PTPRG: variants seen among roughly 807,000 people sequenced by gnomAD.
PTPRG encodes the protein receptor-type tyrosine-protein phosphatase gamma.
In PTPRG, 102 loss-of-function variants were observed where a neutral mutation model predicts 165.3. That is an observed-to-expected ratio of 0.62 (90% CI 0.53 to 0.73). The LOEUF (loss-of-function observed/expected upper bound fraction) is 0.73. Among genes scored for constraint, PTPRG ranks in the 30% least tolerant of loss-of-function variants. PTPRG has a pLI of 0.00. For missense variants in PTPRG, 1,866 were observed against 1,861.4 expected (o/e 1.00, Z -0.05); for synonymous variants, 675 against 669.5 (o/e 1.01, Z -0.13).
At chr3:61,632,239 G>A (rs1055893232) in intron 1 of PTPRG, among the ~76,000 whole-genome samples, 2 of 152,098 alleles carry the variant, frequency 1.3e-5, no homozygotes, top group Admixed American at 1.3e-4. Flanking sequence ...GCCTGGGGAG[G>A]TCAAGGCTGC....
intron 1 of PTPRG, among the ~76,000 whole-genome samples, chr3:61,624,740 G>C (rs748417691): frequency 1.3e-5 from 2 of 152,102 alleles, no homozygotes; most frequent in Admixed American, 6.5e-5. Flanking sequence ...TAAGGATTCA[G>C]TGATAGTGCA....
At chr3:62,125,877 T>C (rs888997670) in intron 5 of PTPRG, among the ~76,000 whole-genome samples, 1 of 152,108 alleles carries the variant, frequency 6.6e-6, no homozygotes, top group African/African-American at 2.4e-5. Flanking sequence ...CTTGAAATGC[T>C]GTAAAGCCTT....
At chr3:61,804,097 A>G (rs1054361842) in intron 2 of PTPRG, among the ~76,000 whole-genome samples, 2 of 152,244 alleles carry the variant, frequency 1.3e-5, no homozygotes, top group Non-Finnish European at 2.9e-5. Flanking sequence ...TTGGTCACTT[A>G]AATGCCCTTG....
chr3:61,977,596 T>A (rs1347327923), intron 2 of PTPRG, among the ~76,000 whole-genome samples: 1 of 45,190 alleles, frequency 2.2e-5, no homozygotes, highest in Non-Finnish European at 4.2e-5. Context: ...TGCAACTAGC[T>A]TTTTTTTTCA....
intron 2 of PTPRG, among the ~76,000 whole-genome samples, chr3:61,773,266 T>C (rs2034267116): frequency 6.6e-6 from 1 of 152,192 alleles, no homozygotes; most frequent in Non-Finnish European, 1.5e-5. Context: ...AGTTAATTAC[T>C]AATTAGAAAT....
At chr3:62,281,398 A>G (rs544036666) in intron 26 of PTPRG, among the ~76,000 whole-genome samples, 165 bp from the exon 27 acceptor site, 1 of 152,018 alleles carries the variant, frequency 6.6e-6, no homozygotes, top group African/African-American at 2.4e-5. Flanking sequence ...ATAGAATACA[A>G]TAACCATTCA....
intron 5 of PTPRG, among the ~76,000 whole-genome samples, chr3:62,090,530 TTCTC>T (rs1701893615): frequency 6.6e-6 from 1 of 152,172 alleles, no homozygotes; most frequent in East Asian, 1.9e-4. Flanking sequence ...GTTTTGTGGT[TTCTC>T]TCTATTTTGA....
chr3:61,799,386 A>G lies in PTPRG; in HGVS notation c.190+50404A>G, dbSNP rs2035165115. 1.3e-5 allele frequency among the ~76,000 whole-genome samples: 2 copies of G among 152,112 alleles called. 1 individual carries two copies. Among genetic ancestry groups the G allele is most frequent in the South Asian group, 4.1e-4 (2 of 4,834 alleles). On this transcript the variant is annotated intron_variant, in intron 2 of 29. Coordinates refer to ENST00000474889, the MANE Select transcript of PTPRG (RefSeq NM_002841.4). ...AAACCTTGGCTATTCAGATGGCCTT[A>G]TTTCTACCTAATGTCTTTTCTGTTC... is the stretch of plus-strand genomic sequence containing the variant.
At chr3:61,766,609 TA>T (rs11334853) in intron 2 of PTPRG, among the ~76,000 whole-genome samples, 66,775 of 148,474 alleles carry the variant, frequency 0.45, 15,542 homozygotes, top group Non-Finnish European at 0.52. Context: ...TTATTAATGT[TA>T]AAAAAAATTT....
chr3:62,043,489 A>C (rs1700189775), intron 4 of PTPRG, among the ~76,000 whole-genome samples: 1 of 152,224 alleles, frequency 6.6e-6, no homozygotes, highest in South Asian at 2.1e-4. Flanking sequence ...ATCAGTTTAG[A>C]GCCCTTCTCA....
Position 61,725,063 on chromosome 3 carries a change from G to A in PTPRG, c.86-23815G>A, listed in dbSNP as rs545879760. Among the ~76,000 whole-genome samples, 11 of 152,286 alleles carry A rather than the reference G, an allele frequency of 7.2e-5. No homozygotes were observed. The South Asian group carries it at 2.3e-3, about 32-fold the overall frequency. ...AACTCTTCACCAAGCACCAGGTACA[G>A]AAGATTTTCTCTTCTCCTTTTTTAC... On this transcript the variant is annotated intron_variant, in intron 1 of 29. Coordinates refer to ENST00000474889, the MANE Select transcript of PTPRG (RefSeq NM_002841.4).
chr3:61,566,695 C>A (rs1055573651), intron 1 of PTPRG, among the ~76,000 whole-genome samples: 1 of 152,146 alleles, frequency 6.6e-6, no homozygotes, highest in Non-Finnish European at 1.5e-5. Flanking sequence ...TTTGTGGAGA[C>A]GGAGTGCCGC....
chr3:61,668,681 T>A (rs57335934), intron 1 of PTPRG, among the ~76,000 whole-genome samples: 22,767 of 152,068 alleles, frequency 0.15, 1,743 homozygotes, highest in Admixed American at 0.17. Context: ...CGCTTTTTTT[T>A]AAAAAAGGTT....
At chr3:61,870,678 T>C (rs2037546133) in intron 2 of PTPRG, among the ~76,000 whole-genome samples, 1 of 151,100 alleles carries the variant, frequency 6.6e-6, no homozygotes, top group Admixed American at 6.6e-5. Context: ...ATCGCACCCA[T>C]TGTTGGGTAG....
In PTPRG at chr3:62,186,190, A is replaced by T. The variant is rs564347864; in HGVS notation, c.1034-5279A>T. Among the ~76,000 whole-genome samples the T allele has an allele frequency of 2.0e-5, 3 of 152,286 alleles. No homozygotes were observed. In the East Asian group the frequency reaches 5.8e-4, roughly 29 times the overall value. On this transcript the variant is annotated intron_variant, in intron 8 of 29. Transcript: ENST00000474889. ...TAGACTGAATGCTTTTCTTATTAGC[A>T]GAAGGCATGAGTTAAAGACCAGAGA... is the stretch of plus-strand genomic sequence containing the variant.
intron 2 of PTPRG, among the ~76,000 whole-genome samples, chr3:61,978,119 T>C (rs2040551630): frequency 6.6e-6 from 1 of 152,224 alleles, no homozygotes; most frequent in Non-Finnish European, 1.5e-5. Flanking sequence ...CCCAAAGTGC[T>C]GGGATTACAA....
intron 3 of PTPRG, among the ~76,000 whole-genome samples, chr3:61,997,514 C>A (rs1416133292): frequency 6.6e-6 from 1 of 152,096 alleles, no homozygotes; most frequent in Non-Finnish European, 1.5e-5. Context: ...TGATGTTCTC[C>A]CATCTTGTTG....
intron 2 of PTPRG, among the ~76,000 whole-genome samples, chr3:61,802,755 G>A (rs1209034117): frequency 2.0e-5 from 3 of 152,042 alleles, no homozygotes; most frequent in Non-Finnish European, 2.9e-5. Context: ...TCTGCAGCAG[G>A]AGTGCTTGTG....
At chr3:61,588,931 A>G (rs1397425164) in intron 1 of PTPRG, among the ~76,000 whole-genome samples, 1 of 152,184 alleles carries the variant, frequency 6.6e-6, no homozygotes, top group Non-Finnish European at 1.5e-5. Context: ...GGAAGAATTC[A>G]TAGCATGCTA....
Sources: allele counts gnomAD v4.1 joint callset (sites outside exome capture counted in the v4.1 genomes callset), GRCh38; gene constraint gnomAD v4.1.1; transcripts MANE v1.5; gene names NCBI Gene and HGNC (gene_info 2026-07-23, HGNC 2026-07-21).